The following HAVCR1 variants were observed in gnomAD, a reference collection of about 807,000 sequenced individuals.
HAVCR1 encodes the protein T cell immunoglobin domain and mucin domain protein 1.
In HAVCR1, 34 loss-of-function variants were observed where a neutral mutation model predicts 32.0. The ratio of observed to expected loss-of-function variants is 1.06; its 90% CI spans 0.81 to 1.42. The LOEUF (loss-of-function observed/expected upper bound fraction) is 1.42, where lower values mean the gene tolerates loss of function less well. Among genes scored for constraint, HAVCR1 ranks in the 40% most tolerant of loss-of-function variants. HAVCR1 has a pLI of 0.00. For synonymous variants in HAVCR1, 178 were observed against 170.3 expected (o/e 1.05, Z -0.35); for missense variants, 420 against 442.3 (o/e 0.95, Z 0.45).
At chr5:157,049,451 A>T (rs1175197218) in intron 4 of HAVCR1, among the ~76,000 whole-genome samples, 1 of 152,198 alleles carries the variant, frequency 6.6e-6, no homozygotes, top group Admixed American at 6.5e-5. Context: ...CAAACTTTCT[A>T]TACTCCCAGG....
At chr5:157,051,299 A>C (rs1221583328) in intron 4 of HAVCR1, among the ~76,000 whole-genome samples, 1 of 152,198 alleles carries the variant, frequency 6.6e-6, no homozygotes, top group Non-Finnish European at 1.5e-5. Context: ...CTGTACATAA[A>C]TAAATTAAAG....
At chr5:157,042,781 T>G in intron 5 of HAVCR1, 99 bp from the exon 6 acceptor site, 1 of 739,242 alleles carries the variant, frequency 1.4e-6, no homozygotes, top group South Asian at 1.7e-5. Flanking sequence ...CGATGAAAAG[T>G]TGAATGATAA....
intron 6 of HAVCR1, among the ~76,000 whole-genome samples, chr5:157,039,264 CTAAT>C (rs1754721998): frequency 6.6e-6 from 1 of 151,992 alleles, no homozygotes; most frequent in South Asian, 2.1e-4. Flanking sequence ...ATAGTATATC[CTAAT>C]TGTATACTAT....
At chr5:157,046,023 T>G (rs1755376449) in intron 5 of HAVCR1, among the ~76,000 whole-genome samples, 1 of 152,252 alleles carries the variant, frequency 6.6e-6, no homozygotes, top group Admixed American at 6.5e-5. Context: ...ATTTTCATTT[T>G]GCTTTTGTGC....
chr5:157,032,787 G>C (rs1005902946), intron 8 of HAVCR1, 67 bp downstream of exon 8: 15 of 953,654 alleles, frequency 1.6e-5, no homozygotes, highest in Non-Finnish European at 2.4e-5. Context: ...GAGAGAGACA[G>C]AAATCTATTT....
chr5:157,062,156 C>A (rs1756504112), upstream of HAVCR1, among the ~76,000 whole-genome samples: 1 of 152,200 alleles, frequency 6.6e-6, no homozygotes, highest in African/African-American at 2.4e-5. Context: ...GAATTTCCAG[C>A]TGCTCACTAG....
rs146449369 is a variant in HAVCR1 at position 157,037,873 on chromosome 5, G to C, written c.838-512C>G. Among the ~76,000 whole-genome samples the C allele has an allele frequency of 2.2e-3, 332 of 152,188 alleles. 3 individuals are homozygous for C. Among genetic ancestry groups the C allele is most frequent in the Non-Finnish European group, 4.1e-3 (278 of 68,018 alleles). On this transcript the variant is annotated intron_variant, in intron 6 of 8. Coordinates refer to ENST00000523175, the MANE Select transcript of HAVCR1 (RefSeq NM_001173393.3). ...TACTAAAAATACAAAAATCAGCTGG[G>C]TGTGGTGCTGCACGCCTGTAATCCC...
At chr5:157,032,730 C>T in intron 8 of HAVCR1, 124 bp downstream of exon 8, 2 of 689,706 alleles carry the variant, frequency 2.9e-6, no homozygotes, top group Admixed American at 2.8e-5. Context: ...TAGAATTGCT[C>T]ATTAAAGTGG....
At chr5:157,039,055 G>A (rs1754710680) in intron 6 of HAVCR1, among the ~76,000 whole-genome samples, 1 of 152,184 alleles carries the variant, frequency 6.6e-6, no homozygotes, top group Non-Finnish European at 1.5e-5. Flanking sequence ...GGGAGGATGA[G>A]TCTGCAGTGA....
upstream of HAVCR1, among the ~76,000 whole-genome samples, chr5:157,061,072 A>G (rs1756479891): frequency 6.6e-6 from 1 of 151,786 alleles, no homozygotes; most frequent in Admixed American, 6.6e-5. Flanking sequence ...TAATTTTTGT[A>G]TTTTTAGCAG....
intron 6 of HAVCR1, among the ~76,000 whole-genome samples, chr5:157,042,425 G>C (rs1453221467): frequency 8.2e-6 from 1 of 121,752 alleles, no homozygotes; most frequent in African/African-American, 3.3e-5. Context: ...CTGGGCAACA[G>C]AGCAAGACTC....
chr5:157,062,196 C>T (rs143152619), upstream of HAVCR1, among the ~76,000 whole-genome samples: 279 of 152,222 alleles, frequency 1.8e-3, 1 homozygote, highest in African/African-American at 6.5e-3. Context: ...CCAAGATTAA[C>T]GGCAGTGAAT....
chr5:157,044,615 G>GAAAGAAAGAAAGAAAGAGAAAGAAAGAA (rs760337335), intron 5 of HAVCR1, among the ~76,000 whole-genome samples: 3 of 52,716 alleles, frequency 5.7e-5, no homozygotes, highest in Non-Finnish European at 7.8e-5. Context: ...AAGAAAGAAA[G>GAAAGAAAGAAAGAAAGAGAAAGAAAGAA]AGAAAGAAAG....
chr5:157,033,008 C>T (rs1450099836), intron 7 of HAVCR1, 121 bp from the exon 8 acceptor site: 1 of 630,474 alleles, frequency 1.6e-6, no homozygotes, highest in African/African-American at 1.8e-5. Context: ...TTCCCTGGTA[C>T]CTTGAGGTGT....
intron 7 of HAVCR1, among the ~76,000 whole-genome samples, chr5:157,034,246 G>A (rs60974422): frequency 0.035 from 5,298 of 152,006 alleles, 297 homozygotes; most frequent in African/African-American, 0.12. Flanking sequence ...GGTGGGGAGA[G>A]GGTCAGCAGG....
the HAVCR1 span, among the ~76,000 whole-genome samples, chr5:157,064,895 AC>A: frequency 6.6e-6 from 1 of 151,966 alleles, no homozygotes. Context: ...AAAAACAAAA[AC>A]CTGCATGACC....
intron 4 of HAVCR1, among the ~76,000 whole-genome samples, chr5:157,051,965 T>C (rs565532421): frequency 6.6e-6 from 1 of 152,346 alleles, no homozygotes; most frequent in Non-Finnish European, 1.5e-5. Context: ...AAATGATCTC[T>C]CTTCAGAGCT....
chr5:157,055,572 C>A (rs1271754529), intron 2 of HAVCR1, 39 bp from the exon 3 acceptor site: 2 of 1,279,180 alleles, frequency 1.6e-6, no homozygotes, highest in East Asian at 4.7e-5. Flanking sequence ...TGAGCCCTCA[C>A]TATTTCATCT....
upstream of HAVCR1, among the ~76,000 whole-genome samples, chr5:157,059,359 T>C (rs1361481226): frequency 6.6e-6 from 1 of 152,186 alleles, no homozygotes; most frequent in Non-Finnish European, 1.5e-5. Flanking sequence ...CTCAGCATAG[T>C]GTTTTGTATG....
Sources: allele counts gnomAD v4.1 joint callset (sites outside exome capture counted in the v4.1 genomes callset), GRCh38; gene constraint gnomAD v4.1.1; transcripts MANE v1.5; gene names NCBI Gene and HGNC (gene_info 2026-07-23, HGNC 2026-07-21).